The following ARB2A variants were observed in gnomAD, a reference collection of about 807,000 sequenced individuals.
ARB2A encodes cotranscriptional regulator ARB2A.
the ARB2A span, among the ~76,000 whole-genome samples, chr5:93,940,189 T>C: frequency 6.6e-6 from 1 of 152,112 alleles, no homozygotes; most frequent in Non-Finnish European, 1.5e-5. Context: ...AAGTTATATT[T>C]ACATTTGGAG....
At chr5:94,080,993 G>C in the ARB2A span, among the ~76,000 whole-genome samples, 2 of 152,098 alleles carry the variant, frequency 1.3e-5, no homozygotes, top group South Asian at 4.1e-4. Flanking sequence ...AAGAACTCTT[G>C]CAACTCAATA....
At chr5:93,967,397 A>G in the ARB2A span, among the ~76,000 whole-genome samples, 1 of 152,116 alleles carries the variant, frequency 6.6e-6, no homozygotes, top group Non-Finnish European at 1.5e-5. Context: ...AACAAATCTC[A>G]TTAGATCCAT....
chr5:93,955,570 C>T, the ARB2A span, among the ~76,000 whole-genome samples: 1 of 152,106 alleles, frequency 6.6e-6, no homozygotes. Context: ...AAACTAATAC[C>T]TAGATCACTT....
At chr5:93,880,969 A>G in the ARB2A span, among the ~76,000 whole-genome samples, 3 of 151,714 alleles carry the variant, frequency 2.0e-5, no homozygotes, top group Non-Finnish European at 4.4e-5. Flanking sequence ...ATAGTTGCTC[A>G]TCGTAAAACA....
chr5:93,946,139 G>A, the ARB2A span, among the ~76,000 whole-genome samples: 1 of 151,816 alleles, frequency 6.6e-6, no homozygotes, highest in Non-Finnish European at 1.5e-5. Flanking sequence ...ACAAAATGAG[G>A]GCATATATCA....
At chr5:94,065,017 T>C in the ARB2A span, among the ~76,000 whole-genome samples, 1 of 152,160 alleles carries the variant, frequency 6.6e-6, no homozygotes, top group Non-Finnish European at 1.5e-5. Flanking sequence ...AAACAAAGGA[T>C]ATTAATGCAA....
At chr5:93,830,311 G>GTATATATGTATA in the ARB2A span, among the ~76,000 whole-genome samples, 1 of 82,260 alleles carries the variant, frequency 1.2e-5, no homozygotes, top group Non-Finnish European at 2.4e-5. Flanking sequence ...GTGTGTGTGT[G>GTATATATGTATA]TATATATATA....
chr5:93,743,556 C>G, the ARB2A span: 1 of 984,888 alleles, frequency 1.0e-6, no homozygotes, highest in Non-Finnish European at 1.2e-6. Context: ...TTTTCAAAAT[C>G]ACGAAGCAAT....
the ARB2A span, among the ~76,000 whole-genome samples, chr5:94,087,616 T>C: frequency 6.6e-6 from 1 of 152,294 alleles, no homozygotes; most frequent in East Asian, 1.9e-4. Context: ...TACAGTAGTA[T>C]ACAGTAATGT....
At chr5:93,846,244 C>T in the ARB2A span, among the ~76,000 whole-genome samples, 30 of 152,152 alleles carry the variant, frequency 2.0e-4, no homozygotes, top group East Asian at 5.4e-3. Context: ...TGGCTCATGC[C>T]TGTAATCCCA....
chr5:93,959,042 A>C, the ARB2A span: 3 of 960,770 alleles, frequency 3.1e-6, no homozygotes, highest in Non-Finnish European at 4.3e-6. Flanking sequence ...AAAACAACTA[A>C]TGGCTGTTAC....
the ARB2A span, among the ~76,000 whole-genome samples, chr5:93,748,920 A>G: frequency 6.6e-6 from 1 of 152,092 alleles, no homozygotes. Flanking sequence ...TGGTTTAACC[A>G]TATCTTTTCT....
chr5:93,863,217 T>C, the ARB2A span: 1 of 151,792 alleles, frequency 6.6e-6, no homozygotes, highest in African/African-American at 2.4e-5. Flanking sequence ...TCCTCAGAAA[T>C]AGGATGGAAA....
chr5:93,737,308 C>T, the ARB2A span: 1 of 152,066 alleles, frequency 6.6e-6, no homozygotes, highest in Non-Finnish European at 1.5e-5. Flanking sequence ...GGAAAGACAG[C>T]CTGTGTTCAT....
chr5:93,796,328 T>C, the ARB2A span, among the ~76,000 whole-genome samples: 4 of 152,320 alleles, frequency 2.6e-5, no homozygotes, highest in Middle Eastern at 0.01. Flanking sequence ...TTCTTCAATG[T>C]AAGCTCAGGT....
chr5:93,698,439 G>C, the ARB2A span, among the ~76,000 whole-genome samples: 2 of 152,122 alleles, frequency 1.3e-5, no homozygotes, highest in African/African-American at 4.8e-5. Context: ...TGCCATAAAT[G>C]CCATATAAAA....
the ARB2A span, chr5:93,621,065 T>G: frequency 6.2e-7 from 1 of 1,612,174 alleles, no homozygotes; most frequent in Non-Finnish European, 8.5e-7. Flanking sequence ...CCTCTGAGGC[T>G]TCGGTAAAGA....
At chr5:93,648,942 T>C in the ARB2A span, among the ~76,000 whole-genome samples, 48 of 152,294 alleles carry the variant, frequency 3.2e-4, no homozygotes, top group African/African-American at 1.1e-3. Flanking sequence ...TATCTTATTA[T>C]AAAGAGTCAT....
At chr5:93,798,134 GAGTTTCCAT>G in the ARB2A span, among the ~76,000 whole-genome samples, 2 of 152,060 alleles carry the variant, frequency 1.3e-5, no homozygotes, top group African/African-American at 4.8e-5. Flanking sequence ...AACAAATGTT[GAGTTTCCAT>G]AGTTCTGATT....
Sources: allele counts gnomAD v4.1 joint callset (sites outside exome capture counted in the v4.1 genomes callset), GRCh38; gene constraint gnomAD v4.1.1; transcripts MANE v1.5; gene names NCBI Gene and HGNC (gene_info 2026-07-23, HGNC 2026-07-21).